VAT1L: variants seen among roughly 807,000 people sequenced by gnomAD.
The protein encoded by VAT1L is putative NADPH-dependent quinone oxidoreductase VAT1L.
In VAT1L, 34 loss-of-function variants were observed where a neutral mutation model predicts 44.1. The ratio of observed to expected loss-of-function variants is 0.77; its 90% confidence interval spans 0.59 to 1.03. The LOEUF (loss-of-function observed/expected upper bound fraction) is 1.03. Ranked by LOEUF, VAT1L falls within the 50% of genes least tolerant of loss-of-function variation. The pLI, the probability that VAT1L is intolerant of heterozygous loss-of-function variation, is 0.00. For synonymous variants in VAT1L, 253 were observed against 202.2 expected (o/e 1.25, Z -2.13); for missense variants, 615 against 538.8 (o/e 1.14, Z -1.40).
chr16:77,975,228 T>TAAAAAAAAAAAAAAAAAAAAA (rs2018325056), intron 8 of VAT1L, among the ~76,000 whole-genome samples: 1 of 89,050 alleles, frequency 1.1e-5, no homozygotes, highest in Non-Finnish European at 2.2e-5. Context: ...TTTTTTTTTT[T>TAAAAAAAAAAAAAAAAAAAAA]AAAGACAGTC....
intron 7 of VAT1L, among the ~76,000 whole-genome samples, chr16:77,918,422 C>T (rs542146394): frequency 1.4e-4 from 21 of 152,212 alleles, no homozygotes; most frequent in Admixed American, 3.9e-4. Flanking sequence ...TGAATCTAGT[C>T]CTTTCTCTTC....
At chr16:77,883,056 C>G (rs960824632) in intron 6 of VAT1L, among the ~76,000 whole-genome samples, 2 of 152,054 alleles carry the variant, frequency 1.3e-5, no homozygotes, top group African/African-American at 4.8e-5. Context: ...CTTTTCCATG[C>G]TTATTCTCCT....
intron 7 of VAT1L, among the ~76,000 whole-genome samples, chr16:77,912,488 G>A (rs1322376950): frequency 1.3e-5 from 2 of 152,082 alleles, no homozygotes; most frequent in Non-Finnish European, 2.9e-5. Context: ...CATGGTCACG[G>A]CTCACTGCAG....
chr16:77,806,477 G>C (rs2016161612), intron 1 of VAT1L, among the ~76,000 whole-genome samples: 1 of 150,032 alleles, frequency 6.7e-6, no homozygotes, highest in African/African-American at 2.4e-5. Context: ...CCAAAGTGTT[G>C]GGATTACAGG....
At chr16:77,875,871 A>G (rs2017082242) in intron 4 of VAT1L, among the ~76,000 whole-genome samples, 1 of 152,204 alleles carries the variant, frequency 6.6e-6, no homozygotes, top group Non-Finnish European at 1.5e-5. Flanking sequence ...CTGCTAGAGA[A>G]GCAGCCCCAT....
At chr16:77,802,615 A>AACACAAACAC (rs1455679428) in intron 1 of VAT1L, among the ~76,000 whole-genome samples, 5 of 112,046 alleles carry the variant, frequency 4.5e-5, no homozygotes, top group African/African-American at 1.1e-4. Context: ...CCCCATCTCA[A>AACACAAACAC]ACACACACAC....
At chr16:77,899,096 A>G (rs2017354087) in intron 7 of VAT1L, among the ~76,000 whole-genome samples, 1 of 152,230 alleles carries the variant, frequency 6.6e-6, no homozygotes, top group South Asian at 2.1e-4. Flanking sequence ...AGCACTTTAC[A>G]TGCATTAGCT....
intron 7 of VAT1L, among the ~76,000 whole-genome samples, chr16:77,957,582 G>A (rs1264727068): frequency 6.6e-6 from 1 of 151,808 alleles, no homozygotes; most frequent in Non-Finnish European, 1.5e-5. Flanking sequence ...AAACTTAGCT[G>A]GGTGTGGTGG....
At chr16:77,849,144 C>A (rs936478643) in intron 3 of VAT1L, among the ~76,000 whole-genome samples, 1 of 152,102 alleles carries the variant, frequency 6.6e-6, no homozygotes, top group Non-Finnish European at 1.5e-5. Context: ...GCCTATGTAA[C>A]AAACCTGCAC....
At chr16:77,821,827 G>T (rs1033602305) in intron 2 of VAT1L, among the ~76,000 whole-genome samples, 1 of 152,144 alleles carries the variant, frequency 6.6e-6, no homozygotes, top group Non-Finnish European at 1.5e-5. Flanking sequence ...TTCTGCTTTT[G>T]TAGGGGAAGG....
chr16:77,850,479 A>G (rs1287280139), intron 3 of VAT1L, among the ~76,000 whole-genome samples: 1 of 152,064 alleles, frequency 6.6e-6, no homozygotes, highest in East Asian at 1.9e-4. Flanking sequence ...CCTTGACTTA[A>G]TATTAGGATG....
chr16:77,806,754 A>T (rs1337491463), intron 1 of VAT1L, among the ~76,000 whole-genome samples: 1 of 152,214 alleles, frequency 6.6e-6, no homozygotes, highest in Non-Finnish European at 1.5e-5. Context: ...ATCATAAAAC[A>T]TAAGAACTTT....
At chr16:77,914,596 G>C (rs1169526166) in intron 7 of VAT1L, among the ~76,000 whole-genome samples, 1 of 152,208 alleles carries the variant, frequency 6.6e-6, no homozygotes, top group Non-Finnish European at 1.5e-5. Context: ...AGAGGTTACA[G>C]TTCATTGAAT....
chr16:77,879,088 C>A lies in VAT1L; in HGVS notation c.827-81C>A. ...AAGATTTCTCCAGTTCCGGACCAAA[C>A]AATTGCCATTTTTTTCATGCATAAC... On this transcript the variant is annotated intron_variant, in intron 5 of 8. Coordinates refer to ENST00000302536, the MANE Select transcript of VAT1L (RefSeq NM_020927.3). The surrounding 1 kb of genome is among the most constrained non-coding windows in gnomAD (Gnocchi z 4.1). The A allele has an allele frequency of 2.7e-6, 4 of 1,460,162 alleles. No individual in the cohort carries two copies. The highest frequency in any genetic ancestry group is 1.2e-5 in the South Asian group (1 of 86,294). 90.5% of individuals were successfully genotyped at this position (1,460,162 alleles called of 1,614,324 possible).
chr16:77,858,677 T>C (rs534441439), intron 3 of VAT1L, among the ~76,000 whole-genome samples: 1 of 152,274 alleles, frequency 6.6e-6, no homozygotes, highest in Admixed American at 6.5e-5. Context: ...AGCAGACATC[T>C]AACCTCTGTA....
At chr16:77,837,256 T>A (rs1329867728) in intron 3 of VAT1L, among the ~76,000 whole-genome samples, 1 of 152,224 alleles carries the variant, frequency 6.6e-6, no homozygotes, top group South Asian at 2.1e-4. Flanking sequence ...GGATCTTTAG[T>A]TGACACAGCT....
At chr16:77,841,492 G>A (rs1389678794) in intron 3 of VAT1L, among the ~76,000 whole-genome samples, 1 of 152,192 alleles carries the variant, frequency 6.6e-6, no homozygotes, top group African/African-American at 2.4e-5. Flanking sequence ...ATGACAGATT[G>A]TCACCCTCCT....
At chr16:77,931,731 G>A (rs1345092262) in intron 7 of VAT1L, among the ~76,000 whole-genome samples, 1 of 152,098 alleles carries the variant, frequency 6.6e-6, no homozygotes, top group East Asian at 1.9e-4. Context: ...CTAGGCAGGG[G>A]GCAATATGAA....
At chr16:77,813,049 G>T (rs958188725) in intron 1 of VAT1L, among the ~76,000 whole-genome samples, 1 of 152,062 alleles carries the variant, frequency 6.6e-6, no homozygotes, top group East Asian at 1.9e-4. Context: ...GAGTCATCAG[G>T]CATAGTCATT....
Sources: allele counts gnomAD v4.1 joint callset (sites outside exome capture counted in the v4.1 genomes callset), GRCh38; gene constraint gnomAD v4.1.1; non-coding constraint Gnocchi (gnomAD v3.1); transcripts MANE v1.5; gene names NCBI Gene and HGNC (gene_info 2026-07-23, HGNC 2026-07-21).